The following SOX6 variants were observed in gnomAD, a reference collection of about 807,000 sequenced individuals.
SOX6 encodes transcription factor SOX-6.
Under a neutral mutation model 97.8 loss-of-function variants are expected in SOX6, and 11 were observed. The observed-to-expected ratio is 0.11, with a 90% CI of 0.07 to 0.19. The LOEUF (loss-of-function observed/expected upper bound fraction) is 0.19. Ranked by LOEUF, SOX6 falls within the 10% of genes least tolerant of loss-of-function variation. SOX6 has a pLI of 1.00. For synonymous variants in SOX6, 360 were observed against 371.4 expected (o/e 0.97, Z 0.35); for missense variants, 810 against 1,039.5 (o/e 0.78, Z 3.04).
chr11:16,087,169 AG>A (rs566777491), intron 9 of SOX6, among the ~76,000 whole-genome samples: 1 of 152,304 alleles, frequency 6.6e-6, no homozygotes, highest in South Asian at 2.1e-4. Context: ...ATTTACACAA[AG>A]GCTAAATATA....
chr11:16,525,323 C>T (rs376920091), intron 4 of SOX6, among the ~76,000 whole-genome samples: 43 of 149,746 alleles, frequency 2.9e-4, no homozygotes, highest in African/African-American at 5.4e-4. Flanking sequence ...TCAGAAATAA[C>T]GCCGCATATC....
At chr11:16,368,468 T>C (rs297327) in intron 1 of SOX6, among the ~76,000 whole-genome samples, 31,815 of 152,078 alleles carry the variant, frequency 0.21, 3,512 homozygotes, top group Admixed American at 0.32. Context: ...AGTGAAAGGG[T>C]GAGACCCTGT....
At chr11:16,352,238 C>T (rs1410101755) in intron 1 of SOX6, among the ~76,000 whole-genome samples, 1 of 148,578 alleles carries the variant, frequency 6.7e-6, no homozygotes, top group Non-Finnish European at 1.5e-5. Context: ...AATGAATGAA[C>T]CAATGGGCAG....
chr11:16,251,326 A>G (rs951903883), intron 3 of SOX6, among the ~76,000 whole-genome samples: 1 of 152,132 alleles, frequency 6.6e-6, no homozygotes, highest in Non-Finnish European at 1.5e-5. Context: ...CAAAACTAAA[A>G]GATAGTTCTT....
chr11:16,575,052 A>T (rs1267080080), intron 4 of SOX6, among the ~76,000 whole-genome samples: 1 of 152,064 alleles, frequency 6.6e-6, no homozygotes, highest in Non-Finnish European at 1.5e-5. Context: ...AAAATAAAAA[A>T]AAAAAAGGCA....
intron 12 of SOX6, among the ~76,000 whole-genome samples, chr11:16,018,418 G>T (rs763615139): frequency 1.3e-4 from 19 of 151,890 alleles, no homozygotes; most frequent in Non-Finnish European, 1.5e-4. Flanking sequence ...ATGAATTTGG[G>T]GTAACTAAAA....
intron 6 of SOX6, among the ~76,000 whole-genome samples, chr11:16,144,108 A>G (rs1294111321): frequency 1.3e-5 from 2 of 152,130 alleles, no homozygotes; most frequent in Admixed American, 6.5e-5. Context: ...GAAGTAAAGC[A>G]CTCCGCAGCA....
intron 4 of SOX6, among the ~76,000 whole-genome samples, chr11:16,536,547 G>A (rs2133173488): frequency 6.6e-6 from 1 of 152,298 alleles, no homozygotes; most frequent in Middle Eastern, 3.4e-3. Context: ...CCCTTTCATA[G>A]CCAAGGGAAG....
intron 3 of SOX6, among the ~76,000 whole-genome samples, chr11:16,690,531 TA>T (rs1271691035): frequency 6.6e-6 from 1 of 152,214 alleles, no homozygotes; most frequent in African/African-American, 2.4e-5. Context: ...ACAAGCAAGG[TA>T]AAACAGAATT....
At chr11:16,307,555 G>A (rs968100217) in intron 3 of SOX6, among the ~76,000 whole-genome samples, 1 of 152,078 alleles carries the variant, frequency 6.6e-6, no homozygotes, top group East Asian at 1.9e-4. Flanking sequence ...TAAGCAAAAT[G>A]TTCAAGATAA....
rs1025793553 is a variant in SOX6, at chr11:16,602,099, G to T, written n.609+9982C>A. ...CATTTATATCATGCTCCATAATAAA[G>T]AACTCAATTTTTTGTGCATTTTAAA... On this transcript the variant is annotated intron_variant and non_coding_transcript_variant, in intron 4 of 5. Transcript: ENST00000524520. Among the ~76,000 whole-genome samples, 5 of 152,072 alleles carry T rather than the reference G, an allele frequency of 3.3e-5. 1 individual carries two copies. Among genetic ancestry groups the T allele is most frequent in the Admixed American group, 3.3e-4 (5 of 15,272 alleles).
intron 6 of SOX6, among the ~76,000 whole-genome samples, chr11:16,132,386 GAAAGAAAGAAAGA>G (rs1849799917): frequency 1.3e-5 from 1 of 79,482 alleles, no homozygotes; most frequent in Admixed American, 1.6e-4. Flanking sequence ...AAGAAAGAAA[GAAAGAAAGAAAGA>G]AAAAAGAAAG....
At chr11:16,544,621 C>T (rs112877636) in intron 4 of SOX6, among the ~76,000 whole-genome samples, 24 of 152,174 alleles carry the variant, frequency 1.6e-4, no homozygotes, top group African/African-American at 3.1e-4. Flanking sequence ...GTAGTGGTTG[C>T]ACAACATTAT....
At chr11:16,318,979 A>T (rs1012344371) in intron 2 of SOX6, among the ~76,000 whole-genome samples, 2 of 152,316 alleles carry the variant, frequency 1.3e-5, no homozygotes, top group African/African-American at 4.8e-5. Context: ...TACACCTTTC[A>T]TTCAAATTAG....
chr11:16,109,119 G>T (rs561707206), intron 7 of SOX6, among the ~76,000 whole-genome samples: 2 of 152,200 alleles, frequency 1.3e-5, no homozygotes, highest in South Asian at 4.2e-4. Context: ...ACAAATTTAT[G>T]CCACCAATTC....
At chr11:16,517,017 G>C (rs1393154283) in intron 4 of SOX6, among the ~76,000 whole-genome samples, 1 of 137,214 alleles carries the variant, frequency 7.3e-6, no homozygotes, top group Non-Finnish European at 1.6e-5. Flanking sequence ...TGCAAGGCTG[G>C]TTCAATATAC....
chr11:16,000,035 T>C (rs1564900643), intron 13 of SOX6, among the ~76,000 whole-genome samples: 2 of 152,198 alleles, frequency 1.3e-5, no homozygotes, highest in African/African-American at 4.8e-5. Context: ...TTTATCTTAA[T>C]ACAACAGAGG....
chr11:16,636,332 G>T (rs1848789209), intron 3 of SOX6, among the ~76,000 whole-genome samples: 1 of 152,172 alleles, frequency 6.6e-6, no homozygotes, highest in East Asian at 1.9e-4. Context: ...TGTCCCACCG[G>T]ATTTCAGACT....
At chr11:16,683,751 A>G (rs1391808348) in intron 3 of SOX6, among the ~76,000 whole-genome samples, 2 of 152,212 alleles carry the variant, frequency 1.3e-5, no homozygotes, top group Non-Finnish European at 2.9e-5. Flanking sequence ...TAATTAAACT[A>G]AAGAGCTTCT....
Sources: allele counts gnomAD v4.1 joint callset (sites outside exome capture counted in the v4.1 genomes callset), GRCh38; gene constraint gnomAD v4.1.1; transcripts MANE v1.5; gene names NCBI Gene and HGNC (gene_info 2026-07-23, HGNC 2026-07-21).